The following XYLT1 variants were observed in gnomAD, a reference collection of about 807,000 sequenced individuals.
XYLT1 encodes the protein beta-D-xylosyltransferase 1.
XYLT1 carries 36 observed loss-of-function variants against 91.3 expected under a neutral mutation model. The ratio of observed to expected loss-of-function variants is 0.39; its 90% CI spans 0.30 to 0.52. The LOEUF (loss-of-function observed/expected upper bound fraction) is 0.52. Ranked by LOEUF, XYLT1 falls within the 20% of genes least tolerant of loss-of-function variation. XYLT1 has a pLI of 0.68. For synonymous variants in XYLT1, 588 were observed against 532.0 expected, an observed-to-expected ratio of 1.11 and a Z score of -1.45; for missense variants, 1,242 against 1,284.5, an observed-to-expected ratio of 0.97 and a Z score of 0.51.
In XYLT1 at chr16:17,448,520, C is replaced by T. The variant is rs56221604; in HGVS notation, c.363+21914G>A. Among the ~76,000 whole-genome samples the T allele has an allele frequency of 4.9e-3, 748 of 152,096 alleles. 4 individuals carry two copies. Among genetic ancestry groups the T allele is most frequent in the African/African-American group, 0.011 (445 of 41,466 alleles). ...CATACAGAGAAGCTATGTGACTGAC[C>T]GCAGGCCACACAGCCAGCAACACAA... is the stretch of plus-strand genomic sequence containing the variant. On this transcript the variant is annotated intron_variant, in intron 1 of 11. Coordinates refer to ENST00000261381, the MANE Select transcript of XYLT1 (RefSeq NM_022166.4).
intron 3 of XYLT1, 56 bp downstream of exon 3, chr16:17,258,932 C>G: frequency 6.8e-7 from 1 of 1,464,188 alleles, no homozygotes; most frequent in Non-Finnish European, 9.0e-7. Context: ...TGGGGCTGGG[C>G]AGGAGGAGGA....
intron 2 of XYLT1, among the ~76,000 whole-genome samples, chr16:17,300,452 C>CTTTTTTTTTTTTTTTTTTTTTTTTTTTTT (rs67480834): frequency 2.8e-4 from 18 of 64,840 alleles, no homozygotes; most frequent in South Asian, 7.3e-4. Flanking sequence ...TTCATTCTTT[C>CTTTTTTTTTTTTTTTTTTTTTTTTTTTTT]TTTTTTTTTT....
At chr16:17,134,803 G>A (rs1416529243) in intron 8 of XYLT1, 68 bp from the exon 9 acceptor site, 6 of 1,573,880 alleles carry the variant, frequency 3.8e-6, no homozygotes, top group Admixed American at 3.5e-5. Flanking sequence ...GGAACCTAAG[G>A]GCATATCCTG....
At chr16:17,192,808 C>CTTTTTT (rs56262277) in intron 5 of XYLT1, 1 of 123,252 alleles carries the variant, frequency 8.1e-6, no homozygotes, top group Non-Finnish European at 1.6e-5. Context: ...TTTTCCCACC[C>CTTTTTT]TTTTTTTTTT....
chr16:17,166,299 G>A (rs969253220), intron 5 of XYLT1, among the ~76,000 whole-genome samples: 1 of 152,214 alleles, frequency 6.6e-6, no homozygotes, highest in Non-Finnish European at 1.5e-5. Context: ...CTCGGACAGT[G>A]CTTTTCAGGA....
At position 17,117,879 on chromosome 16, in the gene XYLT1, C is replaced by T; in HGVS notation, c.2324G>A (p.Gly775Glu). 6.2e-7 allele frequency: 1 copy of T among 1,614,086 alleles called. No homozygotes were observed. The highest frequency in any genetic ancestry group is 8.5e-7 in the Non-Finnish European group (1 of 1,180,018). Residue 775 changes from glycine (G) to glutamate (E), a missense_variant, in exon 11 of 12, where the codon GGA becomes GAA. Coordinates refer to ENST00000261381, the MANE Select transcript of XYLT1 (RefSeq NM_022166.4). ...EPVGMQKWGKGPNVTVTVIWV... is the reference protein window; with the variant it reads ...EPVGMQKWGKEPNVTVTVIWV... ...AATGACGGTCACGGTCACATTAGGT[C>T]CCTTCCCCCACTTCTGCATACCCAC...
intron 6 of XYLT1, 147 bp downstream of exon 6, chr16:17,158,682 G>A (rs752392325): frequency 6.2e-5 from 48 of 770,122 alleles, no homozygotes; most frequent in Non-Finnish European, 9.0e-5. Context: ...CAGATCCCAC[G>A]CAGACACAGC....
Position 17,115,303 on chromosome 16 carries a change from A to C in XYLT1, c.2557+2343T>G, listed in dbSNP as rs530834750. Reference sequence around the variant, plus strand: ...AGGACAACACAGACCACACAACCACAAAAATAGTTAAAAAAAAAAAAAAAA... The same window carrying C: ...AGGACAACACAGACCACACAACCACCAAAATAGTTAAAAAAAAAAAAAAAA... On this transcript the variant is annotated intron_variant, in intron 11 of 11. Coordinates refer to ENST00000261381, the MANE Select transcript of XYLT1 (RefSeq NM_022166.4). 5.3e-5 allele frequency among the ~76,000 whole-genome samples: 7 copies of C among 131,316 alleles called. No individual in the cohort carries two copies. The East Asian group carries it at 1.6e-3, about 29-fold the overall frequency. The allele number at this position is 131,316 out of a possible 152,430, so 86.1% of individuals were successfully genotyped here.
In XYLT1 at chr16:17,109,009, G is replaced by A. The variant is rs780784292; in HGVS notation, c.2566C>T (p.Leu856=). 6 of 1,512,756 alleles carry A rather than the reference G, an allele frequency of 4.0e-6. No individual in the cohort carries two copies. The African/African-American group carries it at 4.1e-5, about 10-fold the overall frequency. 93.7% of individuals were successfully genotyped at this position (1,512,756 alleles called of 1,614,324 possible). Residue 856 remains leucine, a synonymous_variant, in exon 12 of 12, where the codon CTG becomes TTG. Transcript: ENST00000261381. The stretch of plus-strand genomic sequence containing the variant: ...CGGAGGGGCCCATTGTGCAGCTTCA[G>A]TGCCTCCTCTGAAAGCCAAAGGGAA... ...NRQPIKPEEA[L]KLHNGPLRNA...
At chr16:17,236,250 C>G (rs544468417) in intron 3 of XYLT1, among the ~76,000 whole-genome samples, 4 of 152,290 alleles carry the variant, frequency 2.6e-5, no homozygotes, top group Non-Finnish European at 5.9e-5. Flanking sequence ...ATTCAAGCAT[C>G]TAGCCTGGGC....
chr16:17,123,448 C>G (rs908410520), intron 10 of XYLT1, among the ~76,000 whole-genome samples: 4 of 152,110 alleles, frequency 2.6e-5, no homozygotes, highest in African/African-American at 7.2e-5. Flanking sequence ...AATTCAGGAG[C>G]AAGTTATTTA....
intron 10 of XYLT1, among the ~76,000 whole-genome samples, chr16:17,120,358 C>T (rs1476706495): frequency 2.0e-5 from 3 of 152,044 alleles, no homozygotes; most frequent in Admixed American, 6.5e-5. Flanking sequence ...GGTCTGGCTC[C>T]GGCTTCACTT....
At chr16:17,201,098 G>A (rs1012478201) in intron 3 of XYLT1, among the ~76,000 whole-genome samples, 3 of 152,110 alleles carry the variant, frequency 2.0e-5, no homozygotes, top group African/African-American at 4.8e-5. Context: ...TTGTTTTAAC[G>A]GTGGTAAGAA....
At position 17,134,678 on chromosome 16, in the gene XYLT1, T is replaced by C. The variant is rs1249039533; in HGVS notation, c.1822A>G (p.Ile608Val). The C allele has an allele frequency of 1.9e-6, 3 of 1,614,026 alleles. No homozygotes were observed. Among genetic ancestry groups the C allele is most frequent in the Admixed American group, 1.7e-5 (1 of 59,996 alleles). ...AGGTAATAGTCCAGCTGCCCAATGATTTCCTGATTCACCACGGCTTCAAAC... is the reference window on the plus strand; with the variant it reads ...AGGTAATAGTCCAGCTGCCCAATGACTTCCTGATTCACCACGGCTTCAAAC... The part of the protein sequence containing the change: ...RKFEAVVNQE[I>V]IGQLDYYLYG... Residue 608 changes from isoleucine to valine, a missense_variant, in exon 9 of 12, where the codon ATC (isoleucine) becomes GTC (valine). Transcript: ENST00000261381.
chr16:17,420,912 C>T (rs554588111), intron 1 of XYLT1, among the ~76,000 whole-genome samples: 1 of 152,274 alleles, frequency 6.6e-6, no homozygotes, highest in Non-Finnish European at 1.5e-5. Flanking sequence ...ATTTCTAATG[C>T]TTGGATGGGA....
chr16:17,114,265 A>G (rs1966847799), intron 11 of XYLT1, among the ~76,000 whole-genome samples: 1 of 152,244 alleles, frequency 6.6e-6, no homozygotes, highest in South Asian at 2.1e-4. Flanking sequence ...CTAGCAGAGT[A>G]ATTGAGCCCA....
intron 1 of XYLT1, among the ~76,000 whole-genome samples, chr16:17,369,019 G>A (rs776600222): frequency 9.9e-5 from 15 of 151,198 alleles, no homozygotes; most frequent in Non-Finnish European, 1.2e-4. Flanking sequence ...CACAGAGCCA[G>A]GCCCATTTAA....
At chr16:17,302,418 T>A (rs1179848801) in intron 2 of XYLT1, among the ~76,000 whole-genome samples, 1 of 152,160 alleles carries the variant, frequency 6.6e-6, no homozygotes, top group South Asian at 2.1e-4. Context: ...TGGTCCTTCC[T>A]CTTCCTCCTC....
At chr16:17,278,429 C>T (rs868047092) in intron 2 of XYLT1, among the ~76,000 whole-genome samples, 3 of 152,164 alleles carry the variant, frequency 2.0e-5, no homozygotes, top group Admixed American at 2.0e-4. Context: ...GGGTGGGTCA[C>T]TACCTCTTCC....
Sources: allele counts gnomAD v4.1 joint callset (sites outside exome capture counted in the v4.1 genomes callset), GRCh38; gene constraint gnomAD v4.1.1; transcripts MANE v1.5; gene names NCBI Gene and HGNC (gene_info 2026-07-23, HGNC 2026-07-21).